MAN1A2: variants seen among roughly 807,000 people sequenced by gnomAD.
The protein encoded by MAN1A2 is mannosyl-oligosaccharide 1,2-alpha-mannosidase IB.
A neutral mutation model predicts 75.7 loss-of-function variants in MAN1A2; 26 were observed. The ratio of observed to expected loss-of-function variants is 0.34; its 90% CI spans 0.25 to 0.48. The LOEUF (loss-of-function observed/expected upper bound fraction) is 0.48, where lower values mean the gene tolerates loss of function less well. Ranked by LOEUF, MAN1A2 falls within the 20% of genes least tolerant of loss-of-function variation. The pLI is 0.99. For missense variants in MAN1A2, 562 were observed against 775.5 expected (o/e 0.72, Z 3.27); for synonymous variants, 247 against 264.6 (o/e 0.93, Z 0.65).
intron 3 of MAN1A2, among the ~76,000 whole-genome samples, chr1:117,411,177 A>G (rs999478398): frequency 6.6e-6 from 1 of 151,830 alleles, no homozygotes; most frequent in Non-Finnish European, 1.5e-5. Context: ...AAGGATTTGC[A>G]CTACCTGATT....
At chr1:117,401,800 C>T (rs566532063) in intron 1 of MAN1A2, among the ~76,000 whole-genome samples, 46 of 152,066 alleles carry the variant, frequency 3.0e-4, no homozygotes, top group African/African-American at 1.1e-3. Context: ...GTTCTCTTAT[C>T]TTTTCCTCTT....
chr1:117,495,426 A>G (rs1320732751), intron 9 of MAN1A2, among the ~76,000 whole-genome samples: 1 of 151,878 alleles, frequency 6.6e-6, no homozygotes, highest in African/African-American at 2.4e-5. Context: ...ATGACCACTT[A>G]AGACTCATTG....
chr1:117,413,340 T>TAAGA (rs923339157), intron 3 of MAN1A2, among the ~76,000 whole-genome samples: 1 of 151,832 alleles, frequency 6.6e-6, no homozygotes, highest in Admixed American at 6.6e-5. Flanking sequence ...ACAACCATCA[T>TAAGA]AAGAACAAAT....
intron 12 of MAN1A2, among the ~76,000 whole-genome samples, chr1:117,507,492 C>T (rs2101886449): frequency 6.6e-6 from 1 of 151,626 alleles, no homozygotes; most frequent in East Asian, 1.9e-4. Context: ...AAAAAGAAGA[C>T]ATAAATACAG....
intron 12 of MAN1A2, among the ~76,000 whole-genome samples, chr1:117,518,369 A>G (rs1221121033): frequency 2.0e-5 from 3 of 152,056 alleles, no homozygotes; most frequent in African/African-American, 7.2e-5. Flanking sequence ...TAATAAAAAC[A>G]TGGTAACAGA....
intron 1 of MAN1A2, among the ~76,000 whole-genome samples, chr1:117,390,179 G>T (rs1653670639): frequency 6.6e-6 from 1 of 152,104 alleles, no homozygotes; most frequent in Admixed American, 6.5e-5. Flanking sequence ...TCCATTTTCA[G>T]TGTCCTGAAA....
intron 1 of MAN1A2, among the ~76,000 whole-genome samples, chr1:117,373,184 G>A (rs754179701): frequency 1.7e-4 from 26 of 151,906 alleles, no homozygotes; most frequent in Non-Finnish European, 2.6e-4. Flanking sequence ...TGTTACAAGA[G>A]TAGAGATTTC....
chr1:117,399,407 G>A lies in MAN1A2; in HGVS notation c.303-2779G>A, dbSNP rs78928311. Among the ~76,000 whole-genome samples the A allele has an allele frequency of 8.1e-3, 1,233 of 152,294 alleles. 27 individuals carry two copies. The highest frequency in any genetic ancestry group is 0.028 in the African/African-American group (1,178 of 41,554). Reference sequence around the variant, plus strand: ...GGGCAATCTCCCCATTTGTCATCAGGACAGAAAATTACCCTTGAAAGAGCC... The same window carrying A: ...GGGCAATCTCCCCATTTGTCATCAGAACAGAAAATTACCCTTGAAAGAGCC... On this transcript the variant is annotated intron_variant, in intron 1 of 12. Coordinates refer to ENST00000356554, the MANE Select transcript of MAN1A2 (RefSeq NM_006699.5).
At chr1:117,403,758 A>G (rs554675476) in intron 2 of MAN1A2, among the ~76,000 whole-genome samples, 25 of 151,652 alleles carry the variant, frequency 1.6e-4, no homozygotes, top group Non-Finnish European at 2.9e-4. Flanking sequence ...TACCTTTTAT[A>G]TTTTTTTTCT....
intron 8 of MAN1A2, among the ~76,000 whole-genome samples, chr1:117,478,115 A>G (rs1340966394): frequency 6.6e-6 from 1 of 151,706 alleles, no homozygotes; most frequent in Non-Finnish European, 1.5e-5. Context: ...CTACAATTTT[A>G]GCCATTTTAA....
chr1:117,432,554 T>G (rs1273816556), intron 5 of MAN1A2, among the ~76,000 whole-genome samples: 1 of 152,192 alleles, frequency 6.6e-6, no homozygotes, highest in African/African-American at 2.4e-5. Flanking sequence ...TAAAACAATC[T>G]TATTGAAACT....
rs1652824291 is a variant in MAN1A2, at chr1:117,367,956, G to C, written c.-228G>C. On this transcript the variant is annotated 5_prime_UTR_variant, in exon 1 of 13. Transcript: ENST00000356554. Reference sequence around the variant, plus strand: ...TCCGATGAAGTACAGATGTTGAAGAGGATATCGCAGGACCTAAACTTGTGA... The same window carrying C: ...TCCGATGAAGTACAGATGTTGAAGACGATATCGCAGGACCTAAACTTGTGA... The C allele has an allele frequency of 1.9e-6, 1 of 532,728 alleles. No individual in the cohort carries two copies. Among genetic ancestry groups the C allele is most frequent in the Non-Finnish European group, 3.3e-6 (1 of 301,138 alleles). 33.0% of individuals were successfully genotyped at this position (532,728 alleles called of 1,614,324 possible). A position where few individuals can be genotyped will look rare whatever the true frequency, so the allele number is the denominator to read the frequency against.
chr1:117,409,753 A>G lies in MAN1A2; in HGVS notation c.655+4108A>G, dbSNP rs12078488. Reference sequence around the variant, plus strand: ...AGGTACTCTTGTCAGGTGTTTGTCCATTAAGGATGATGTATTCTTAGGAGC... The same window carrying G: ...AGGTACTCTTGTCAGGTGTTTGTCCGTTAAGGATGATGTATTCTTAGGAGC... On this transcript the variant is annotated intron_variant, in intron 3 of 12. Transcript: ENST00000356554. Among the ~76,000 whole-genome samples the G allele has an allele frequency of 3.9e-3, 587 of 152,164 alleles. 7 individuals are homozygous for G. Among genetic ancestry groups the G allele is most frequent in the African/African-American group, 0.013 (558 of 41,560 alleles).
intron 6 of MAN1A2, among the ~76,000 whole-genome samples, chr1:117,452,239 G>A (rs189678372): frequency 3.3e-5 from 5 of 151,936 alleles, no homozygotes; most frequent in African/African-American, 4.8e-5. Flanking sequence ...CCTGGGAGGC[G>A]GAGGTTGCAG....
At chr1:117,434,496 A>G (rs978191643) in intron 5 of MAN1A2, among the ~76,000 whole-genome samples, 4 of 152,334 alleles carry the variant, frequency 2.6e-5, no homozygotes, top group African/African-American at 9.6e-5. Context: ...GGAATCTATT[A>G]TCTAAAAGTA....
chr1:117,389,762 T>G (rs1401003264), intron 1 of MAN1A2, among the ~76,000 whole-genome samples: 2 of 152,036 alleles, frequency 1.3e-5, no homozygotes, highest in Non-Finnish European at 2.9e-5. Context: ...TGTAATAGAT[T>G]TTTGAGTAGC....
rs770714452 is a variant in MAN1A2, at chr1:117,502,874, G to T, written c.1697G>T (p.Arg566Leu). 1.3e-6 allele frequency: 2 copies of T among 1,599,820 alleles called. No homozygotes were observed. The highest frequency in any genetic ancestry group is 1.7e-6 in the Non-Finnish European group (2 of 1,169,036). Residue 566 changes from arginine (R) to leucine (L), a missense_variant, in exon 12 of 13, where the codon CGA becomes CTA. Around this residue, in one of 2 missense-constraint regions of MAN1A2, gnomAD observed 434 missense variants for 645.7 expected, o/e 0.67. Transcript: ENST00000356554. The stretch of plus-strand genomic sequence containing the variant: ...TCATAGGCCATTGAAAAGTATTGCC[G>T]AGTTAATGGTGGGTTTTCTGGAGTC... The part of the protein sequence containing the change: ...EAALAIEKYC[R>L]VNGGFSGVKD...
intron 12 of MAN1A2, among the ~76,000 whole-genome samples, chr1:117,517,705 A>G (rs1056963385): frequency 2.0e-5 from 3 of 152,086 alleles, no homozygotes; most frequent in African/African-American, 7.2e-5. Flanking sequence ...AGAGAACACA[A>G]GAAGGTGGAC....
chr1:117,430,263 C>T (rs1438343576), intron 5 of MAN1A2, among the ~76,000 whole-genome samples: 147 of 132,502 alleles, frequency 1.1e-3, no homozygotes, highest in Middle Eastern at 4.0e-3. Flanking sequence ...GGGGGCTGAA[C>T]CCCCCACCTC....
Sources: gnomAD v4.1 joint callset for allele counts (sites outside exome capture counted in the v4.1 genomes callset) on GRCh38, gnomAD v4.1.1 for gene constraint, gnomAD v4.1.1 regional missense constraint, MANE v1.5 for transcripts, NCBI Gene and HGNC (gene_info 2026-07-23, HGNC 2026-07-21) for gene names.